Variants in CCDC7 observed in about 807,000 individuals in gnomAD.
The protein encoded by CCDC7 is coiled-coil domain containing 7.
Under a neutral mutation model 196.9 loss-of-function variants are expected in CCDC7, and 183 were observed. The observed-to-expected ratio is 0.93, with a 90% CI of 0.82 to 1.05. CCDC7 has a LOEUF of 1.05. Ranked by LOEUF, CCDC7 falls within the 50% of genes least tolerant of loss-of-function variation. The pLI is 0.00. For synonymous variants in CCDC7, 525 were observed against 484.6 expected (o/e 1.08, Z -1.10); for missense variants, 1,540 against 1,482.2 (o/e 1.04, Z -0.64).
At chr10:32,744,718 T>C (rs1256264118) in intron 28 of CCDC7, among the ~76,000 whole-genome samples, 1 of 152,224 alleles carries the variant, frequency 6.6e-6, no homozygotes, top group Non-Finnish European at 1.5e-5. Context: ...TGGGTAACAG[T>C]CTTTTATCAG....
chr10:32,873,715 T>C (rs1392203509), intron 41 of CCDC7, among the ~76,000 whole-genome samples: 1 of 151,988 alleles, frequency 6.6e-6, no homozygotes, highest in Non-Finnish European at 1.5e-5. Flanking sequence ...TTTGTGGATA[T>C]ATATTTTCAT....
chr10:32,533,132 T>A (rs1014591369), intron 11 of CCDC7, among the ~76,000 whole-genome samples: 2 of 152,046 alleles, frequency 1.3e-5, no homozygotes, highest in Non-Finnish European at 2.9e-5. Context: ...TATTACATGT[T>A]TTTGTGATGT....
chr10:32,451,639 C>T (rs761083569), upstream of CCDC7: 2 of 1,564,274 alleles, frequency 1.3e-6, no homozygotes, highest in African/African-American at 2.8e-5. Flanking sequence ...AAGTCAGTAA[C>T]AAAATGAAAC....
chr10:32,832,325 G>A (rs541028944), intron 32 of CCDC7, among the ~76,000 whole-genome samples: 13 of 152,198 alleles, frequency 8.5e-5, no homozygotes, highest in African/African-American at 2.4e-4. Flanking sequence ...CCAACCTGGT[G>A]AAGCCCTGTC....
At chr10:32,649,869 T>A (rs1318321408) in intron 20 of CCDC7, among the ~76,000 whole-genome samples, 1 of 152,240 alleles carries the variant, frequency 6.6e-6, no homozygotes, top group Non-Finnish European at 1.5e-5. Flanking sequence ...GAAGTTCAGT[T>A]TGGTTCTTCT....
chr10:32,517,302 A>C (rs1050686254), intron 9 of CCDC7, among the ~76,000 whole-genome samples: 2 of 152,154 alleles, frequency 1.3e-5, no homozygotes, highest in African/African-American at 4.8e-5. Flanking sequence ...GTTAAGTGAA[A>C]AAGTAAGTTT....
chr10:32,825,637 G>A (rs1464482446), intron 32 of CCDC7, among the ~76,000 whole-genome samples: 2 of 152,106 alleles, frequency 1.3e-5, no homozygotes, highest in Non-Finnish European at 2.9e-5. Flanking sequence ...GAATATTAAG[G>A]ATGGAGTTCT....
At chr10:32,714,361 C>G (rs1406453191) in intron 25 of CCDC7, among the ~76,000 whole-genome samples, 1 of 152,150 alleles carries the variant, frequency 6.6e-6, no homozygotes, top group East Asian at 1.9e-4. Context: ...GGGACAGTGC[C>G]ATCTGGCCCA....
chr10:32,789,113 T>G (rs78161150), intron 29 of CCDC7, among the ~76,000 whole-genome samples: 1 of 148,682 alleles, frequency 6.7e-6, no homozygotes, highest in Non-Finnish European at 1.5e-5. Context: ...TTTTTTTTTT[T>G]GCCAAGGCCA....
At chr10:32,539,890 T>A (rs2051122446) in intron 11 of CCDC7, among the ~76,000 whole-genome samples, 1 of 149,808 alleles carries the variant, frequency 6.7e-6, no homozygotes, top group Non-Finnish European at 1.5e-5. Context: ...GTTGGTATGA[T>A]TTTGATTTTT....
At chr10:32,619,600 T>C (rs2063155439) in intron 18 of CCDC7, among the ~76,000 whole-genome samples, 1 of 152,134 alleles carries the variant, frequency 6.6e-6, no homozygotes. Flanking sequence ...GACAATCTTA[T>C]ACTTGAATAA....
At chr10:32,691,243 G>A (rs900794202) in intron 23 of CCDC7, among the ~76,000 whole-genome samples, 1 of 152,140 alleles carries the variant, frequency 6.6e-6, no homozygotes, top group Admixed American at 6.5e-5. Flanking sequence ...ACTTTTATTA[G>A]TCATGGGGTC....
chr10:32,681,934 C>CAT lies in CCDC7; in HGVS notation c.2123-4023_2123-4022dup, dbSNP rs767629243. Among the ~76,000 whole-genome samples, 45 of 151,448 alleles carry CAT rather than the reference C, an allele frequency of 3.0e-4. 1 individual carries two copies. The highest frequency in any genetic ancestry group is 6.3e-4 in the South Asian group (3 of 4,800). ...AGGTTGTTCTTGTCTTTCTCCATTT[C>CAT]ATATATATATATATTCTTTCTTCTA... On this transcript the variant is annotated intron_variant, in intron 21 of 41. Coordinates refer to ENST00000639629, the Ensembl canonical transcript of CCDC7.
intron 2 of CCDC7, among the ~76,000 whole-genome samples, chr10:32,455,607 G>A (rs1341755185): frequency 5.3e-5 from 8 of 152,110 alleles, no homozygotes; most frequent in Admixed American, 3.9e-4. Context: ...GTGAGCCACC[G>A]CGCCTGGCTC....
chr10:32,486,515 T>C (rs1483565744), intron 8 of CCDC7, among the ~76,000 whole-genome samples: 6 of 132,086 alleles, frequency 4.5e-5, no homozygotes, highest in Non-Finnish European at 9.7e-5. Context: ...TTAATATTGT[T>C]ATGTGTGAAT....
At chr10:32,727,920 A>G (rs540932633) in intron 26 of CCDC7, among the ~76,000 whole-genome samples, 2 of 152,284 alleles carry the variant, frequency 1.3e-5, no homozygotes, top group South Asian at 4.2e-4. Flanking sequence ...TCTTGATTGT[A>G]GAACCAAAGG....
At chr10:32,449,140 G>A (rs946072283), upstream of CCDC7, among the ~76,000 whole-genome samples, 1 of 151,926 alleles carries the variant, frequency 6.6e-6, no homozygotes, top group African/African-American at 2.4e-5. Flanking sequence ...TAGTCTCTCT[G>A]TTTTAATGAT....
At position 32,868,475 on chromosome 10, in the gene CCDC7, G is replaced by C. The variant is rs144482382; in HGVS notation, c.4112-7872G>C. Among the ~76,000 whole-genome samples, 16 of 152,062 alleles carry C rather than the reference G, an allele frequency of 1.1e-4. No individual in the cohort carries two copies. The East Asian group carries it at 2.9e-3, about 28-fold the overall frequency. On this transcript the variant is annotated intron_variant, in intron 41 of 41. Coordinates refer to ENST00000639629, the Ensembl canonical transcript of CCDC7. ...CAGCTTTTTTCTTACTATGTGAATG[G>C]AAGAGATGACTTCCAAGCTCTTTAT...
rs1435220113 is a variant in CCDC7 at position 32,746,471 on chromosome 10, C to T, written c.2905+17014C>T. ...CTGCAATGACTACAGTGGAGCATGG[C>T]CAGCGATGCCCATCCCTCAAGGCTT... is the stretch of plus-strand genomic sequence containing the variant. On this transcript the variant is annotated intron_variant, in intron 28 of 41. Transcript: ENST00000639629. Among the ~76,000 whole-genome samples the T allele has an allele frequency of 2.0e-5, 3 of 152,148 alleles. 1 individual carries two copies. Among genetic ancestry groups the T allele is most frequent in the Admixed American group, 2.0e-4 (3 of 15,286 alleles).
Sources: allele counts gnomAD v4.1 joint callset (sites outside exome capture counted in the v4.1 genomes callset), GRCh38; gene constraint gnomAD v4.1.1; transcripts MANE v1.5; gene names NCBI Gene and HGNC (gene_info 2026-07-23, HGNC 2026-07-21).